The following CD320 variants were observed in gnomAD, a reference collection of about 807,000 sequenced individuals.
CD320 encodes the protein CD320 antigen.
CD320 carries 16 observed loss-of-function variants against 22.1 expected under a neutral mutation model. The observed-to-expected ratio is 0.73, with a 90% CI of 0.49 to 1.10. The LOEUF (loss-of-function observed/expected upper bound fraction) is 1.10. Among genes scored for constraint, CD320 ranks in the 50% least tolerant of loss-of-function variants. The probability of loss-of-function intolerance (pLI) is 0.00; values close to 1 mark genes in which losing one functional copy is unlikely to be tolerated. For missense variants in CD320, 388 were observed against 376.9 expected, an observed-to-expected ratio of 1.03 and a Z score of -0.24; for synonymous variants, 188 against 167.8, an observed-to-expected ratio of 1.12 and a Z score of -0.93.
intron 2 of CD320, chr19:8,304,827 A>G: frequency 1.7e-6 from 1 of 573,266 alleles, no homozygotes; most frequent in Non-Finnish European, 3.2e-6. Flanking sequence ...CTAGCCTCCC[A>G]AAGTGCTGGG....
intron 3 of CD320, among the ~76,000 whole-genome samples, chr19:8,303,473 C>T (rs10418490): frequency 0.11 from 17,354 of 151,498 alleles, 2,017 homozygotes; most frequent in African/African-American, 0.3. Context: ...TGTGCAGTGG[C>T]CCAATCTCAG....
intron 1 of CD320, among the ~76,000 whole-genome samples, chr19:8,306,525 G>A (rs1326181618): frequency 1.3e-5 from 2 of 152,204 alleles, no homozygotes; most frequent in East Asian, 3.9e-4. Flanking sequence ...GGTGCGGCCA[G>A]GGGAGGTGGC....
Position 8,302,924 on chromosome 19 carries a change from G to A in CD320, c.559C>T (p.Leu187=). ...DATTMGPPVT[L]ESVTSLRNAT... The stretch of plus-strand genomic sequence containing the variant: ...TTCCTGAGAGAGGTGACACTCTCCA[G>A]GGTCACAGGGGGCCCCATGGTTGTG... Residue 187 remains leucine (L), a synonymous_variant, in exon 4 of 5, where the codon CTG becomes TTG. Transcript: ENST00000301458. The A allele has an allele frequency of 6.2e-7, 1 of 1,614,002 alleles. No homozygotes were observed. The highest frequency in any genetic ancestry group is 8.5e-7 in the Non-Finnish European group (1 of 1,179,958).
Position 8,305,407 on chromosome 19 carries a change from C to T in CD320, c.143-251G>A, listed in dbSNP as rs562935704. 18 of 445,702 alleles carry T rather than the reference C, an allele frequency of 4.0e-5. No individual in the cohort carries two copies. In the East Asian group the frequency reaches 5.5e-4, roughly 14 times the overall value. The allele number at this position is 445,702 out of a possible 1,614,324, so 27.6% of individuals were successfully genotyped here. ...TACAGAGAAAGGAACCAAGAGGAGG[C>T]CATACAGCTGGTGGCAGAGGCTGGG... On this transcript the variant is annotated intron_variant, in intron 1 of 4. Transcript: ENST00000301458.
intron 1 of CD320, among the ~76,000 whole-genome samples, chr19:8,306,318 G>A (rs936719600): frequency 3.3e-5 from 5 of 152,114 alleles, no homozygotes; most frequent in African/African-American, 1.2e-4. Context: ...TGACCTGGCC[G>A]CCTAAACCCA....
chr19:8,304,674 T>G, intron 2 of CD320: 1 of 248,854 alleles, frequency 4.0e-6, no homozygotes, highest in East Asian at 1.0e-4. Flanking sequence ...CTTTCTTTCC[T>G]TTCTTTCATT....
intron 4 of CD320, 26 bp downstream of exon 4, chr19:8,302,751 A>G: frequency 6.2e-7 from 1 of 1,612,470 alleles, no homozygotes; most frequent in South Asian, 1.1e-5. Flanking sequence ...CTAAGCCCCC[A>G]GCATGGGAGG....
rs754818625 is a variant in CD320, at chr19:8,302,955, C to T, written c.528G>A (p.Gly176=). The stretch of plus-strand genomic sequence containing the variant: ...CAGGGGGCCCCATGGTTGTGGCATC[C>T]CCTTCCGGGAGGATCTCATTGGTTC... ...GCGTNEILPE[G]DATTMGPPVT... The change falls in exon 4 of 5, where the codon GGG becomes GGA. Residue 176 remains glycine, a synonymous_variant. Transcript: ENST00000301458. 2.5e-6 allele frequency: 4 copies of T among 1,613,862 alleles called. No homozygotes were observed. The East Asian group carries it at 8.9e-5, about 36-fold the overall frequency.
At chr19:8,306,513 T>C (rs551155350) in intron 1 of CD320, among the ~76,000 whole-genome samples, 2 of 152,314 alleles carry the variant, frequency 1.3e-5, no homozygotes, top group East Asian at 3.9e-4. Context: ...GGCTTCCTCC[T>C]GGGTGCGGCC....
At chr19:8,303,604 G>A (rs997808712) in intron 3 of CD320, among the ~76,000 whole-genome samples, 4 of 151,136 alleles carry the variant, frequency 2.6e-5, no homozygotes, top group Non-Finnish European at 4.4e-5. Context: ...TAGTAGAGAC[G>A]GGGTTTCGCA....
At position 8,302,997 on chromosome 19, in the gene CD320, C is replaced by T. The variant is rs766215870; in HGVS notation, c.503-17G>A. 13 of 1,610,854 alleles carry T rather than the reference C, an allele frequency of 8.1e-6. No individual in the cohort carries two copies. The highest frequency in any genetic ancestry group is 5.0e-5 in the Admixed American group (3 of 59,764). On this transcript the variant is annotated splice_polypyrimidine_tract_variant and intron_variant, in intron 3 of 4. Coordinates refer to ENST00000301458, the MANE Select transcript of CD320 (RefSeq NM_016579.4). ...CATTGGTTCCTGCAATAAGCCCAGG[C>T]GTTCAGTAGTTGAGGAGAGAGCACT...
intron 4 of CD320, 47 bp from the exon 5 acceptor site, chr19:8,302,652 G>A: frequency 6.2e-7 from 1 of 1,608,314 alleles, no homozygotes. Flanking sequence ...GAAGGCAAGA[G>A]CCCCCACACC....
chr19:8,304,988 G>A, intron 2 of CD320, 43 bp downstream of exon 2: 3 of 1,596,640 alleles, frequency 1.9e-6, no homozygotes, highest in Non-Finnish European at 2.5e-6. Context: ...CCACCCTCAG[G>A]CCCCGCCCCC....
In CD320 at chr19:8,308,235, A is replaced by C; in HGVS notation, c.56T>G (p.Leu19Arg). Reference protein sequence around the residue: ...VGAWRTGALGLALLLLLGLGL... With the variant: ...VGAWRTGALGRALLLLLGLGL... ...GAGGCCGAGCAGCAGCAGCAGCGCC[A>C]GGCCCAGAGCCCCTGTTCGCCACGC... The change falls in exon 1 of 5, where the codon CTG becomes CGG. Residue 19 changes from leucine (L) to arginine (R), a missense_variant. Transcript: ENST00000301458. 6.3e-7 allele frequency: 1 copy of C among 1,581,194 alleles called. No homozygotes were observed. Among genetic ancestry groups the C allele is most frequent in the South Asian group, 1.1e-5 (1 of 88,368 alleles).
intron 1 of CD320, among the ~76,000 whole-genome samples, chr19:8,306,933 T>C (rs1970096916): frequency 2.6e-5 from 4 of 152,184 alleles, no homozygotes; most frequent in Non-Finnish European, 5.9e-5. Flanking sequence ...ACCAGTGACT[T>C]TCTCTCCTGG....
Position 8,303,960 on chromosome 19 carries a change from G to C in CD320, c.397C>G (p.Leu133Val), listed in dbSNP as rs755200274. The change falls in exon 3 of 5, where the codon CTA (leucine) becomes GTA (valine). Residue 133 changes from leucine to valine, a missense_variant. Transcript: ENST00000301458. Reference protein sequence around the residue: ...KLRNCSRLACLAGELRCTLSD... With the variant: ...KLRNCSRLACVAGELRCTLSD... ...AGCGTGCAACGGAGCTCGCCTGCTAGGCAGGCCAGGCGGCTGCAGTTGCGC... is the reference window on the plus strand; with the variant it reads ...AGCGTGCAACGGAGCTCGCCTGCTACGCAGGCCAGGCGGCTGCAGTTGCGC... The C allele has an allele frequency of 1.2e-5, 19 of 1,586,196 alleles. No homozygotes were observed. In the South Asian group the frequency reaches 2.1e-4, roughly 17 times the overall value.
chr19:8,304,818 T>A, intron 2 of CD320: 2 of 546,230 alleles, frequency 3.7e-6, no homozygotes, highest in African/African-American at 1.9e-5. Context: ...CCTCCCACCC[T>A]AGCCTCCCAA....
At chr19:8,308,114 A>C (rs1371659181) in intron 1 of CD320, 35 bp downstream of exon 1, 1 of 1,448,214 alleles carries the variant, frequency 6.9e-7, no homozygotes, top group Non-Finnish European at 9.0e-7. Context: ...AAGCCTCGCG[A>C]GGGGTGGGAG....
chr19:8,303,825 C>CCCCA, intron 3 of CD320, 30 bp downstream of exon 3: 10 of 1,464,388 alleles, frequency 6.8e-6, no homozygotes, highest in Non-Finnish European at 9.4e-6. Context: ...CATCTACCCA[C>CCCCA]GAGTCCACCC....
Sources: gnomAD v4.1 joint callset for allele counts (sites outside exome capture counted in the v4.1 genomes callset) on GRCh38, gnomAD v4.1.1 for gene constraint, MANE v1.5 for transcripts, NCBI Gene and HGNC (gene_info 2026-07-23, HGNC 2026-07-21) for gene names.